SYNDIG1: variants seen among roughly 807,000 people sequenced by gnomAD.
SYNDIG1 encodes synapse differentiation inducing 1.
A neutral mutation model predicts 19.4 loss-of-function variants in SYNDIG1; 9 were observed. The observed-to-expected ratio is 0.46, with a 90% CI of 0.28 to 0.81. SYNDIG1 has a LOEUF of 0.81. Among genes scored for constraint, SYNDIG1 ranks in the 30% least tolerant of loss-of-function variants. The pLI is 0.12. For synonymous variants in SYNDIG1, 141 were observed against 145.9 expected, an observed-to-expected ratio of 0.97 and a Z score of 0.24; for missense variants, 311 against 343.3, an observed-to-expected ratio of 0.91 and a Z score of 0.74.
intron 1 of SYNDIG1, among the ~76,000 whole-genome samples, chr20:24,477,894 A>G (rs1465867617): frequency 6.6e-6 from 1 of 152,116 alleles, no homozygotes; most frequent in Non-Finnish European, 1.5e-5. Flanking sequence ...GGTTATAGAT[A>G]CTCCAAACTC....
At chr20:24,548,520 T>A (rs779262846) in intron 2 of SYNDIG1, among the ~76,000 whole-genome samples, 3 of 152,072 alleles carry the variant, frequency 2.0e-5, no homozygotes, top group Non-Finnish European at 4.4e-5. Flanking sequence ...TCAACACACA[T>A]GTGAAGAAAA....
chr20:24,618,762 G>A (rs978896719), intron 3 of SYNDIG1, among the ~76,000 whole-genome samples: 1 of 152,106 alleles, frequency 6.6e-6, no homozygotes, highest in African/African-American at 2.4e-5. Context: ...TTTTGGATGA[G>A]TCTCTTATTT....
At chr20:24,512,519 C>A (rs570564217) in intron 1 of SYNDIG1, among the ~76,000 whole-genome samples, 1 of 151,986 alleles carries the variant, frequency 6.6e-6, no homozygotes, top group African/African-American at 2.4e-5. Flanking sequence ...GAGGGTCCCA[C>A]GCCCACGGAG....
At chr20:24,536,107 A>G (rs565300418) in intron 1 of SYNDIG1, among the ~76,000 whole-genome samples, 1 of 152,314 alleles carries the variant, frequency 6.6e-6, no homozygotes, top group East Asian at 1.9e-4. Context: ...CATGGCTGTG[A>G]TGGGAGAGCC....
At chr20:24,541,354 C>T (rs1177142714) in intron 1 of SYNDIG1, among the ~76,000 whole-genome samples, 4 of 152,230 alleles carry the variant, frequency 2.6e-5, no homozygotes, top group Non-Finnish European at 5.9e-5. Flanking sequence ...TTTTCCCACT[C>T]ACCTGATATT....
At chr20:24,510,582 A>G (rs909192787) in intron 1 of SYNDIG1, among the ~76,000 whole-genome samples, 1 of 152,006 alleles carries the variant, frequency 6.6e-6, no homozygotes, top group South Asian at 2.1e-4. Context: ...AAAAAAAAAA[A>G]AAAGAAAAGA....
At chr20:24,551,986 G>A (rs1203833436) in intron 2 of SYNDIG1, among the ~76,000 whole-genome samples, 2 of 152,190 alleles carry the variant, frequency 1.3e-5, no homozygotes, top group Admixed American at 6.5e-5. Context: ...TCGCAAGGTC[G>A]TGTGAGTTAA....
chr20:24,629,099 G>T (rs1190495245), intron 3 of SYNDIG1, among the ~76,000 whole-genome samples: 1 of 152,238 alleles, frequency 6.6e-6, no homozygotes, highest in African/African-American at 2.4e-5. Context: ...GACAGTGGAG[G>T]TGAATGCTCA....
In SYNDIG1 at chr20:24,513,555, C is replaced by T. The variant is rs1012880505; in HGVS notation, c.-78-29465C>T. The stretch of plus-strand genomic sequence containing the variant: ...TGAAGATCAAATGAATGAAATGAAG[C>T]GAGAAGAGAAGTTTAGAGGAAAAAA... On this transcript the variant is annotated intron_variant, in intron 1 of 3. Coordinates refer to ENST00000376862, the MANE Select transcript of SYNDIG1 (RefSeq NM_024893.3). Among the ~76,000 whole-genome samples the T allele has an allele frequency of 8.5e-5, 13 of 152,106 alleles. No individual in the cohort carries two copies. In the South Asian group the frequency reaches 2.1e-3, roughly 24 times the overall value.
intron 3 of SYNDIG1, among the ~76,000 whole-genome samples, chr20:24,590,817 C>T (rs2058497631): frequency 6.6e-6 from 1 of 152,108 alleles, no homozygotes; most frequent in Admixed American, 6.5e-5. Flanking sequence ...GATCAAGCAC[C>T]GGCGCGGTGA....
chr20:24,618,826 T>G (rs2058991363), intron 3 of SYNDIG1, among the ~76,000 whole-genome samples: 1 of 152,210 alleles, frequency 6.6e-6, no homozygotes, highest in Non-Finnish European at 1.5e-5. Context: ...TTTCCTTTCT[T>G]TGTTTTTTAT....
chr20:24,613,049 G>C (rs983625675), intron 3 of SYNDIG1, among the ~76,000 whole-genome samples: 1 of 152,350 alleles, frequency 6.6e-6, no homozygotes, highest in Non-Finnish European at 1.5e-5. Flanking sequence ...GTGGGATGGG[G>C]TGAAGGCAGG....
At chr20:24,580,165 T>C (rs1283487998) in intron 2 of SYNDIG1, among the ~76,000 whole-genome samples, 1 of 152,196 alleles carries the variant, frequency 6.6e-6, no homozygotes, top group Non-Finnish European at 1.5e-5. Flanking sequence ...ATGAAGAGGA[T>C]TCTTTAAGAC....
chr20:24,493,012 C>A (rs1302277510), intron 1 of SYNDIG1, among the ~76,000 whole-genome samples: 1 of 152,146 alleles, frequency 6.6e-6, no homozygotes, highest in Non-Finnish European at 1.5e-5. Flanking sequence ...AGGCTTCAGG[C>A]AGGTAAGGGA....
At chr20:24,501,025 A>G (rs552950762) in intron 1 of SYNDIG1, among the ~76,000 whole-genome samples, 49 of 152,352 alleles carry the variant, frequency 3.2e-4, no homozygotes, top group African/African-American at 1.2e-3. Context: ...GAAACTTGAA[A>G]AAAAGATATT....
intron 3 of SYNDIG1, among the ~76,000 whole-genome samples, chr20:24,623,605 C>T (rs959829484): frequency 1.3e-5 from 2 of 152,108 alleles, no homozygotes; most frequent in Admixed American, 6.5e-5. Context: ...AAGTGAAAAA[C>T]GAAAACAGCA....
intron 2 of SYNDIG1, among the ~76,000 whole-genome samples, chr20:24,578,479 A>G (rs2058268048): frequency 6.6e-6 from 1 of 152,010 alleles, no homozygotes; most frequent in Non-Finnish European, 1.5e-5. Flanking sequence ...AGAAAAGAAA[A>G]AAAAAGGAAG....
chr20:24,601,518 C>T (rs572286852), intron 3 of SYNDIG1, among the ~76,000 whole-genome samples: 10 of 152,002 alleles, frequency 6.6e-5, no homozygotes, highest in East Asian at 1.9e-4. Flanking sequence ...TTTCTCATAT[C>T]GGTTATGGCA....
intron 1 of SYNDIG1, among the ~76,000 whole-genome samples, chr20:24,515,920 G>A (rs544446194): frequency 1.0e-3 from 152 of 152,180 alleles, no homozygotes; most frequent in African/African-American, 2.3e-3. Flanking sequence ...GAGGCATCAC[G>A]CTACCTGACT....
Sources: allele counts gnomAD v4.1 joint callset (sites outside exome capture counted in the v4.1 genomes callset), GRCh38; gene constraint gnomAD v4.1.1; transcripts MANE v1.5; gene names NCBI Gene and HGNC (gene_info 2026-07-23, HGNC 2026-07-21).